Variants in NAV3 observed in about 807,000 individuals in gnomAD.
The protein encoded by NAV3 is pore membrane and/or filament interacting like protein 1.
In NAV3, 87 loss-of-function variants were observed where a neutral mutation model predicts 244.7. That is an observed-to-expected ratio of 0.36 (90% CI 0.30 to 0.42). The LOEUF (loss-of-function observed/expected upper bound fraction) is 0.42. Ranked by LOEUF, NAV3 falls within the 20% of genes least tolerant of loss-of-function variation. The pLI, the probability that NAV3 is intolerant of heterozygous loss-of-function variation, is 1.00. For synonymous variants in NAV3, 1,126 were observed against 1,042.2 expected (o/e 1.08, Z -1.55); for missense variants, 2,663 against 2,893.3 (o/e 0.92, Z 1.83).
chr12:78,032,951 A>G (rs1163076419), intron 9 of NAV3, among the ~76,000 whole-genome samples: 2 of 152,078 alleles, frequency 1.3e-5, no homozygotes, highest in African/African-American at 2.4e-5. Context: ...CATGTAACAC[A>G]TTTGTTTAAT....
intron 39 of NAV3, among the ~76,000 whole-genome samples, chr12:78,209,626 T>C (rs1458901473): frequency 2.6e-5 from 4 of 152,146 alleles, no homozygotes; most frequent in East Asian, 3.9e-4. Context: ...CTCTTTATTT[T>C]ATAATACATG....
At chr12:77,728,999 T>C (rs183800630) in intron 2 of NAV3, among the ~76,000 whole-genome samples, 60 of 152,142 alleles carry the variant, frequency 3.9e-4, no homozygotes, top group African/African-American at 8.2e-4. Context: ...AATATATTTT[T>C]CTATTTCTTC....
chr12:77,706,788 A>G (rs915907605), intron 2 of NAV3, among the ~76,000 whole-genome samples: 17 of 143,930 alleles, frequency 1.2e-4, no homozygotes, highest in Admixed American at 4.3e-4. Context: ...GGAGAATGGC[A>G]TGAGCCCGGG....
intron 2 of NAV3, among the ~76,000 whole-genome samples, chr12:77,786,613 T>C (rs767386227): frequency 6.6e-6 from 1 of 152,206 alleles, no homozygotes; most frequent in East Asian, 1.9e-4. Context: ...ACAGTTCAGA[T>C]GGAGGTAGAT....
chr12:77,908,544 T>C (rs1005311468), intron 1 of NAV3, among the ~76,000 whole-genome samples: 1 of 152,086 alleles, frequency 6.6e-6, no homozygotes, highest in African/African-American at 2.4e-5. Context: ...TGTTATTCTT[T>C]AGCTTCCAGT....
At chr12:78,148,326 C>G (rs1187122856) in intron 21 of NAV3, among the ~76,000 whole-genome samples, 2 of 151,810 alleles carry the variant, frequency 1.3e-5, no homozygotes, top group Non-Finnish European at 2.9e-5. Context: ...TTGAATTAAG[C>G]CCAAGTTTTA....
chr12:78,111,083 TAAAAG>T (rs1368530356), intron 12 of NAV3, among the ~76,000 whole-genome samples: 1 of 151,916 alleles, frequency 6.6e-6, no homozygotes, highest in African/African-American at 2.4e-5. Flanking sequence ...AACATATAGT[TAAAAG>T]AAATAAATTC....
chr12:77,710,168 T>G (rs1029848515), intron 2 of NAV3, among the ~76,000 whole-genome samples: 1 of 152,208 alleles, frequency 6.6e-6, no homozygotes, highest in Non-Finnish European at 1.5e-5. Context: ...CCCAGCTGTA[T>G]TCCAAACATA....
intron 33 of NAV3, among the ~76,000 whole-genome samples, chr12:78,189,075 T>C (rs1017913849): frequency 3.3e-5 from 5 of 151,884 alleles, no homozygotes; most frequent in African/African-American, 7.2e-5. Flanking sequence ...TTATCATCCT[T>C]CATTACAGGA....
At chr12:77,719,525 T>A (rs1001483892) in intron 2 of NAV3, among the ~76,000 whole-genome samples, 45 of 152,262 alleles carry the variant, frequency 3.0e-4, no homozygotes, top group African/African-American at 1.0e-3. Flanking sequence ...GGGTGTTGAA[T>A]TTTGTCAAAT....
chr12:77,734,857 A>G (rs1877272226), intron 2 of NAV3, among the ~76,000 whole-genome samples: 1 of 152,188 alleles, frequency 6.6e-6, no homozygotes, highest in African/African-American at 2.4e-5. Flanking sequence ...GAACGCAAAA[A>G]CAACAGAATT....
chr12:78,004,034 A>C (rs1416316919), intron 7 of NAV3, among the ~76,000 whole-genome samples: 1 of 152,240 alleles, frequency 6.6e-6, no homozygotes, highest in Non-Finnish European at 1.5e-5. Context: ...TCTGGCATGC[A>C]GTAAACATGT....
chr12:77,821,391 G>T (rs904350588), intron 2 of NAV3, among the ~76,000 whole-genome samples: 1 of 152,116 alleles, frequency 6.6e-6, no homozygotes, highest in Non-Finnish European at 1.5e-5. Context: ...TTTAAGAAAA[G>T]ATTTACTCTC....
chr12:77,589,599 C>A (rs968516052), intron 2 of NAV3, among the ~76,000 whole-genome samples: 8 of 152,106 alleles, frequency 5.3e-5, no homozygotes, highest in Non-Finnish European at 1.2e-4. Flanking sequence ...GGGGAATTCC[C>A]TTATAAAACC....
At chr12:77,706,645 C>A (rs111560410) in intron 2 of NAV3, among the ~76,000 whole-genome samples, 2 of 150,500 alleles carry the variant, frequency 1.3e-5, no homozygotes, top group Non-Finnish European at 3.0e-5. Flanking sequence ...CTGAGGCGGG[C>A]GGATCACGAG....
chr12:77,945,131 AAAT>A (rs984607627), intron 3 of NAV3, among the ~76,000 whole-genome samples: 13 of 121,388 alleles, frequency 1.1e-4, no homozygotes, highest in African/African-American at 3.6e-4. Flanking sequence ...GAAAAAAAAA[AAAT>A]AAATAGCTTG....
chr12:78,160,378 AGT>A (rs10628612), intron 23 of NAV3, among the ~76,000 whole-genome samples: 23 of 134,022 alleles, frequency 1.7e-4, no homozygotes, highest in African/African-American at 2.2e-4. Context: ...AATTCTATGG[AGT>A]GTGTGTGTGT....
intron 9 of NAV3, among the ~76,000 whole-genome samples, chr12:78,041,376 C>T (rs1261453135): frequency 6.6e-6 from 1 of 151,866 alleles, no homozygotes; most frequent in African/African-American, 2.4e-5. Context: ...CGTCAACCAC[C>T]CAAAGTGAGG....
intron 2 of NAV3, among the ~76,000 whole-genome samples, chr12:77,622,505 A>T (rs1202915762): frequency 2.2e-5 from 3 of 136,234 alleles, no homozygotes; most frequent in Admixed American, 1.5e-4. Context: ...CAAGGTCCCT[A>T]GTGCTCTGCA....
Sources: allele counts gnomAD v4.1 joint callset (sites outside exome capture counted in the v4.1 genomes callset), GRCh38; gene constraint gnomAD v4.1.1; transcripts MANE v1.5; gene names NCBI Gene and HGNC (gene_info 2026-07-23, HGNC 2026-07-21).